NPRL3: variants seen among roughly 807,000 people sequenced by gnomAD.
The protein encoded by NPRL3 is GATOR1 complex protein NPRL3.
A neutral mutation model predicts 57.2 loss-of-function variants in NPRL3; 23 were observed. The observed-to-expected ratio is 0.40, with a 90% CI of 0.29 to 0.57. NPRL3 has a LOEUF of 0.57. NPRL3 is among the 20% of genes least tolerant of loss of function. The pLI is 0.42. For synonymous variants in NPRL3, 333 were observed against 321.1 expected, an observed-to-expected ratio of 1.04 and a Z score of -0.39; for missense variants, 691 against 767.1, an observed-to-expected ratio of 0.90 and a Z score of 1.17.
intron 12 of NPRL3, chr16:89,307 TGGGGACC>T (rs1477746945): frequency 1.5e-5 from 4 of 264,728 alleles, no homozygotes; most frequent in East Asian, 1.6e-4. Flanking sequence ...TCCCCAAGCC[TGGGGACC>T]GGGGACCTGG....
rs1898629446 is a variant in NPRL3 at position 88,898 on chromosome 16, G to C, written c.1352-8C>G. On this transcript the variant is annotated splice_polypyrimidine_tract_variant and splice_region_variant and intron_variant, in intron 12 of 13. Transcript: ENST00000611875. ...TCATGTCATCGCTGCTGGCTGTGGG[G>C]GACATGGGTCAGGGTGACCAAGTGG... 6.2e-7 allele frequency: 1 copy of C among 1,606,138 alleles called. No individual in the cohort carries two copies. Among genetic ancestry groups the C allele is most frequent in the African/African-American group, 1.3e-5 (1 of 74,804 alleles).
chr16:89,838 T>C lies in NPRL3; in HGVS notation c.1226A>G (p.Tyr409Cys), dbSNP rs775053528. ...GCTGGGTGAGGCCATCAGGCAGACA[T>C]AGGTGTGCAGCTGGATGAGAAGCCG... is the stretch of plus-strand genomic sequence containing the variant. Reference protein sequence around the residue: ...QRRLLIQLHTYVCLMASPSEE... With the variant: ...QRRLLIQLHTCVCLMASPSEE... Residue 409 changes from tyrosine to cysteine, a missense_variant, in exon 12 of 14, where the codon TAT (tyrosine) becomes TGT (cysteine). Physicochemically the swap from Tyr to Cys is radical, Grantham distance 194. Transcript: ENST00000611875. 3.8e-5 allele frequency: 60 copies of C among 1,580,562 alleles called. No individual in the cohort carries two copies. Among genetic ancestry groups the C allele is most frequent in the Non-Finnish European group, 4.8e-5 (56 of 1,164,698 alleles).
rs755635095 is a variant in NPRL3 at position 89,759 on chromosome 16, G to A, written c.1305C>T (p.Gly435=). Residue 435 remains glycine, a synonymous_variant, in exon 12 of 14, where the codon GGC becomes GGT. Coordinates refer to ENST00000611875, the MANE Select transcript of NPRL3 (RefSeq NM_001077350.3). ...CGTTGGGCGTGCTGAGGCTGCGACC[G>A]CCGACCCGGGCAGTGAAGGGGACGT... ...EDDVPFTARV[G]GRSLSTPNAL... The A allele has an allele frequency of 2.1e-5, 34 of 1,595,654 alleles. No individual in the cohort carries two copies. Among genetic ancestry groups the A allele is most frequent in the African/African-American group, 6.8e-5 (5 of 73,846 alleles).
chr16:85,928 C>T lies in NPRL3; in HGVS notation c.*777G>A. 1.1e-6 allele frequency: 1 copy of T among 942,950 alleles called. No individual in the cohort carries two copies. Among genetic ancestry groups the T allele is most frequent in the Non-Finnish European group, 1.4e-6 (1 of 700,222 alleles). 58.4% of individuals were successfully genotyped at this position (942,950 alleles called of 1,614,324 possible). On this transcript the variant is annotated 3_prime_UTR_variant, in exon 14 of 14. Coordinates refer to ENST00000611875, the MANE Select transcript of NPRL3 (RefSeq NM_001077350.3). ...CCTCCAGGACACGAGAGCTGGGGGC[C>T]TGAGTACGTAGCGCCAGGCCCGGTG...
At chr16:106,588 T>C (rs1899537530) in intron 7 of NPRL3, among the ~76,000 whole-genome samples, 1 of 135,856 alleles carries the variant, frequency 7.4e-6, no homozygotes, top group Non-Finnish European at 1.5e-5. Flanking sequence ...GAGCCAAGAT[T>C]GCGCTCCAGC....
intron 3 of NPRL3, among the ~76,000 whole-genome samples, chr16:120,720 A>C (rs1900246572): frequency 6.6e-6 from 1 of 152,202 alleles, no homozygotes; most frequent in Non-Finnish European, 1.5e-5. Flanking sequence ...TGGGAAACGC[A>C]GGACCCACAG....
chr16:106,954 C>T (rs1899558168), intron 7 of NPRL3, among the ~76,000 whole-genome samples: 1 of 152,142 alleles, frequency 6.6e-6, no homozygotes, highest in Non-Finnish European at 1.5e-5. Flanking sequence ...GCTGCAGAGC[C>T]ATGCCAGTGC....
Position 109,284 on chromosome 16 carries a change from T to C in NPRL3, c.629+1241A>G, listed in dbSNP as rs142546811. Among the ~76,000 whole-genome samples the C allele has an allele frequency of 6.2e-3, 938 of 152,268 alleles. 14 individuals are homozygous for C. Among genetic ancestry groups the C allele is most frequent in the African/African-American group, 0.021 (885 of 41,536 alleles). On this transcript the variant is annotated intron_variant, in intron 7 of 13. Coordinates refer to ENST00000611875, the MANE Select transcript of NPRL3 (RefSeq NM_001077350.3). ...GCCCGGCCTGCTTGTCCACATTTAATAAAGGTGATGCTCAGCCAATACAAT... is the reference window on the plus strand; with the variant it reads ...GCCCGGCCTGCTTGTCCACATTTAACAAAGGTGATGCTCAGCCAATACAAT...
At chr16:93,367 G>A in intron 9 of NPRL3, 42 bp from the exon 10 acceptor site, 3 of 1,333,928 alleles carry the variant, frequency 2.2e-6, no homozygotes, top group Non-Finnish European at 3.2e-6. Context: ...GCCTGAGGCT[G>A]GCCCACCGGG....
chr16:127,819 TAA>T lies in NPRL3; in HGVS notation c.188+2701_188+2702del, dbSNP rs1225895060. 6.0e-5 allele frequency among the ~76,000 whole-genome samples: 9 copies of T among 150,898 alleles called. No individual in the cohort carries two copies. In the East Asian group the frequency reaches 1.8e-3, roughly 30 times the overall value. On this transcript the variant is annotated intron_variant, in intron 3 of 13. Transcript: ENST00000611875. Reference sequence around the variant, plus strand: ...ACAGGCGCCCGCCACCATGCCCGGATAACTTTTTGTATTTTTAGTAGAGATGG... The same window carrying T: ...ACAGGCGCCCGCCACCATGCCCGGATCTTTTTGTATTTTTAGTAGAGATGG...
chr16:132,958 C>T (rs375084818), intron 2 of NPRL3, among the ~76,000 whole-genome samples: 4 of 151,552 alleles, frequency 2.6e-5, no homozygotes, highest in African/African-American at 4.9e-5. Context: ...CGTGAGCCAC[C>T]GCACCCGGCC....
chr16:137,769 T>C (rs1901176515), intron 2 of NPRL3, among the ~76,000 whole-genome samples: 1 of 152,010 alleles, frequency 6.6e-6, no homozygotes, highest in Non-Finnish European at 1.5e-5. Context: ...TCAACCATGT[T>C]GGCCAGGCTG....
chr16:107,208 A>G (rs1247366858), intron 7 of NPRL3, among the ~76,000 whole-genome samples: 1 of 152,102 alleles, frequency 6.6e-6, no homozygotes, highest in African/African-American at 2.4e-5. Context: ...TTTAATATCC[A>G]CTAGGTGGCG....
intron 4 of NPRL3, among the ~76,000 whole-genome samples, chr16:118,025 G>C (rs993544828): frequency 3.3e-5 from 5 of 152,216 alleles, no homozygotes; most frequent in Non-Finnish European, 5.9e-5. Flanking sequence ...CGGGCAGGCT[G>C]CCAACTCTCC....
At chr16:130,325 G>C (rs930555271) in intron 3 of NPRL3, among the ~76,000 whole-genome samples, 197 bp downstream of exon 3, 1 of 152,206 alleles carries the variant, frequency 6.6e-6, no homozygotes, top group East Asian at 1.9e-4. Flanking sequence ...GCTGGAACAG[G>C]TGCCCAAATT....
chr16:94,777 C>A (rs2141912511), intron 9 of NPRL3, among the ~76,000 whole-genome samples: 1 of 152,236 alleles, frequency 6.6e-6, no homozygotes, highest in African/African-American at 2.4e-5. Context: ...CCGCCCTGTT[C>A]CCTCACCCCA....
rs1038546588 is a variant in NPRL3, at chr16:98,359, T to C, written c.768-58A>G. On this transcript the variant is annotated intron_variant, in intron 8 of 13. Transcript: ENST00000611875. The stretch of plus-strand genomic sequence containing the variant: ...AAGTGCAGGAACCCTGCACCGGGTA[T>C]GCACCAGGTCCTGCACCAGGTATGC... The C allele has an allele frequency of 4.5e-6, 7 of 1,559,910 alleles. 1 individual carries two copies. Among genetic ancestry groups the C allele is most frequent in the Non-Finnish European group, 6.1e-6 (7 of 1,152,410 alleles).
intron 8 of NPRL3, among the ~76,000 whole-genome samples, chr16:99,727 C>T (rs560541750): frequency 1.5e-4 from 22 of 151,000 alleles, no homozygotes; most frequent in African/African-American, 3.6e-4. Flanking sequence ...GTCAGGAGTT[C>T]GAGACCAGTC....
At chr16:127,694 G>A (rs530990452) in intron 3 of NPRL3, among the ~76,000 whole-genome samples, 10 of 143,288 alleles carry the variant, frequency 7.0e-5, no homozygotes, top group South Asian at 4.4e-4. Context: ...TCACTCTGTT[G>A]CCCAGGCTGG....
Sources: allele counts gnomAD v4.1 joint callset (sites outside exome capture counted in the v4.1 genomes callset), GRCh38; gene constraint gnomAD v4.1.1; transcripts MANE v1.5; gene names NCBI Gene and HGNC (gene_info 2026-07-23, HGNC 2026-07-21).